Variants in PEBP4 observed in about 807,000 individuals in gnomAD.
PEBP4 encodes the protein phosphatidylethanolamine-binding protein 4.
In PEBP4, 22 loss-of-function variants were observed where a neutral mutation model predicts 23.9. The observed-to-expected ratio is 0.92, with a 90% confidence interval of 0.66 to 1.31. The LOEUF is 1.31. Among genes scored for constraint, PEBP4 ranks in the 40% most tolerant of loss-of-function variants. The pLI is 0.00. For synonymous variants in PEBP4, 112 were observed against 99.3 expected (o/e 1.13, Z -0.76); for missense variants, 324 against 281.7 (o/e 1.15, Z -1.07).
chr8:22,891,783 C>T (rs1181492781), intron 3 of PEBP4, among the ~76,000 whole-genome samples: 1 of 152,152 alleles, frequency 6.6e-6, no homozygotes. Context: ...GCTTAAGAAG[C>T]CAGGGAAGGG....
In PEBP4 at chr8:22,768,059, C is replaced by G. The variant is rs565107168; in HGVS notation, c.358-40839G>C. On this transcript the variant is annotated intron_variant, in intron 4 of 6. Coordinates refer to ENST00000256404, the MANE Select transcript of PEBP4 (RefSeq NM_144962.3). The stretch of plus-strand genomic sequence containing the variant: ...CTATAAATGTTTTTTTGAAAAGTAC[C>G]TTGGAATTCCAGGCAAACACCTATA... Among the ~76,000 whole-genome samples, 23 of 152,252 alleles carry G rather than the reference C, an allele frequency of 1.5e-4. 1 individual carries two copies. In the South Asian group the frequency reaches 4.3e-3, roughly 29 times the overall value.
At chr8:22,784,818 G>A (rs1189940291) in intron 4 of PEBP4, among the ~76,000 whole-genome samples, 1 of 152,202 alleles carries the variant, frequency 6.6e-6, no homozygotes, top group African/African-American at 2.4e-5. Context: ...TCGCCGCTTT[G>A]GGGAGAACTC....
At chr8:22,920,365 T>A in intron 2 of PEBP4, 55 bp from the exon 3 acceptor site, 1 of 1,564,408 alleles carries the variant, frequency 6.4e-7, no homozygotes, top group Non-Finnish European at 8.8e-7. Context: ...GAGCCTGGGG[T>A]TCCCAAGGCT....
rs971139237 is a variant in PEBP4 at position 22,784,186 on chromosome 8, CACCAGCACCCCTGCA to C, written c.357+33436_357+33450del. On this transcript the variant is annotated intron_variant, in intron 4 of 6. Transcript: ENST00000256404. Reference sequence around the variant, plus strand: ...TTTGTTGGTTTTCTTCTGTCCCTGTCACCAGCACCCCTGCAACCTGCTACCAAACTGAGTAGATGA... The same window carrying C: ...TTTGTTGGTTTTCTTCTGTCCCTGTCACCTGCTACCAAACTGAGTAGATGA... 1.1e-4 allele frequency among the ~76,000 whole-genome samples: 17 copies of C among 152,298 alleles called. No individual in the cohort carries two copies. The South Asian group carries it at 1.2e-3, about 11-fold the overall frequency.
chr8:22,899,474 A>AG (rs1440051432), intron 3 of PEBP4, among the ~76,000 whole-genome samples: 3 of 152,222 alleles, frequency 2.0e-5, no homozygotes, highest in Non-Finnish European at 2.9e-5. Flanking sequence ...CTGCTTTTGC[A>AG]GGGGGCAAAA....
chr8:22,813,607 C>A lies in PEBP4; in HGVS notation c.357+4030G>T, dbSNP rs184907687. 1.1e-4 allele frequency among the ~76,000 whole-genome samples: 17 copies of A among 152,298 alleles called. No individual in the cohort carries two copies. The East Asian group carries it at 3.3e-3, about 29-fold the overall frequency. ...GCAAATTAATTGATATCCTAATGAG[C>A]TTTCAGCATGAAGATTATTAGTTAG... On this transcript the variant is annotated intron_variant, in intron 4 of 6. Transcript: ENST00000256404.
intron 3 of PEBP4, among the ~76,000 whole-genome samples, chr8:22,898,388 C>CTA: frequency 2.2e-4 from 1 of 4,636 alleles, no homozygotes; most frequent in South Asian, 6.6e-3. Flanking sequence ...GAAGACTCCA[C>CTA]CCCAAAAAAA....
chr8:22,787,583 A>C (rs537407616), intron 4 of PEBP4, among the ~76,000 whole-genome samples: 1 of 152,358 alleles, frequency 6.6e-6, no homozygotes, highest in East Asian at 1.9e-4. Context: ...TTATCCTCTA[A>C]GGCTAATACT....
intron 3 of PEBP4, among the ~76,000 whole-genome samples, chr8:22,903,347 A>C (rs1228512066): frequency 4.6e-5 from 7 of 152,178 alleles, no homozygotes; most frequent in Non-Finnish European, 1.0e-4. Context: ...GTGAAGAGTA[A>C]ATGAGCTAAT....
intron 4 of PEBP4, among the ~76,000 whole-genome samples, chr8:22,792,280 G>A (rs1201534973): frequency 6.6e-6 from 1 of 152,130 alleles, no homozygotes; most frequent in African/African-American, 2.4e-5. Context: ...CCATTTGGGT[G>A]CAATATTCCA....
chr8:22,883,877 AC>A (rs1808315274), intron 3 of PEBP4: 1 of 152,088 alleles, frequency 6.6e-6, no homozygotes, highest in African/African-American at 2.4e-5. Flanking sequence ...AATTTTGATT[AC>A]TGTATACTAT....
chr8:22,898,013 C>T (rs1273442032), intron 3 of PEBP4, among the ~76,000 whole-genome samples: 3 of 152,108 alleles, frequency 2.0e-5, no homozygotes, highest in East Asian at 1.9e-4. Context: ...AAGGAGGGAG[C>T]CCTCATCAAA....
At chr8:22,939,222 G>A (rs929614815) in intron 1 of PEBP4, among the ~76,000 whole-genome samples, 3 of 152,158 alleles carry the variant, frequency 2.0e-5, no homozygotes, top group African/African-American at 7.2e-5. Context: ...TTTAAAAAGT[G>A]TTAAAACTTC....
At chr8:22,749,352 C>T (rs1390180690) in intron 4 of PEBP4, among the ~76,000 whole-genome samples, 1 of 152,120 alleles carries the variant, frequency 6.6e-6, no homozygotes, top group African/African-American at 2.4e-5. Flanking sequence ...GTTTTAGCTC[C>T]GTAGGCAAGA....
At chr8:22,716,360 G>A (rs1804419239) in intron 6 of PEBP4, among the ~76,000 whole-genome samples, 2 of 152,208 alleles carry the variant, frequency 1.3e-5, no homozygotes, top group African/African-American at 2.4e-5. Flanking sequence ...AGATTTCAGC[G>A]ATGTTCCAGA....
chr8:22,810,744 G>C (rs1056916406), intron 4 of PEBP4, among the ~76,000 whole-genome samples: 1 of 151,472 alleles, frequency 6.6e-6, no homozygotes, highest in Non-Finnish European at 1.5e-5. Flanking sequence ...GAAAGAAAGA[G>C]TGAGTTTTCT....
At chr8:22,915,504 G>A (rs1809054642) in intron 3 of PEBP4, among the ~76,000 whole-genome samples, 1 of 151,800 alleles carries the variant, frequency 6.6e-6, no homozygotes, top group East Asian at 1.9e-4. Context: ...CCCGCTACCT[G>A]TCTATCTCCC....
rs1017661239 is a variant in PEBP4, at chr8:22,775,266, C to T, written c.357+42371G>A. 2.0e-5 allele frequency among the ~76,000 whole-genome samples: 3 copies of T among 152,178 alleles called. No individual in the cohort carries two copies. Among genetic ancestry groups the T allele is most frequent in the Non-Finnish European group, 2.9e-5 (2 of 68,034 alleles). ...CTCTCAGCAGCATCTTTCAGGGACC[C>T]GGAAGCCCCAAGCATCTGGCAAGGA... is the stretch of plus-strand genomic sequence containing the variant. On this transcript the variant is annotated intron_variant, in intron 4 of 6. Transcript: ENST00000256404. This position sits in a 1 kb window ranked among gnomAD's most constrained non-coding sequence, Gnocchi z 4.8.
intron 3 of PEBP4, among the ~76,000 whole-genome samples, chr8:22,910,766 G>A (rs1007644927): frequency 3.9e-5 from 6 of 152,188 alleles, no homozygotes; most frequent in Admixed American, 1.3e-4. Context: ...GCAAAACTAC[G>A]GAGACAGCGA....
Sources: allele counts gnomAD v4.1 joint callset (sites outside exome capture counted in the v4.1 genomes callset), GRCh38; gene constraint gnomAD v4.1.1; non-coding constraint Gnocchi (gnomAD v3.1); transcripts MANE v1.5; gene names NCBI Gene and HGNC (gene_info 2026-07-23, HGNC 2026-07-21).